TRPC1: variants seen among roughly 807,000 people sequenced by gnomAD.
TRPC1 encodes short transient receptor potential channel 1.
TRPC1 carries 42 observed loss-of-function variants against 88.2 expected under a neutral mutation model. That is an observed-to-expected ratio of 0.48 (90% CI 0.37 to 0.62). The LOEUF (loss-of-function observed/expected upper bound fraction) is 0.62. Among genes scored for constraint, TRPC1 ranks in the 20% least tolerant of loss-of-function variants. The pLI, the probability that TRPC1 is intolerant of heterozygous loss-of-function variation, is 0.00. For synonymous variants in TRPC1, 288 were observed against 331.8 expected (o/e 0.87, Z 1.43); for missense variants, 699 against 957.3 (o/e 0.73, Z 3.56).
intron 4 of TRPC1, among the ~76,000 whole-genome samples, chr3:142,753,726 C>CA (rs1198639773): frequency 0.46 from 39,996 of 87,434 alleles, 7,837 homozygotes; most frequent in Non-Finnish European, 0.51. Flanking sequence ...GACTCTGCCT[C>CA]AAAAAAAAAA....
chr3:142,765,624 G>T (rs1560105741), intron 4 of TRPC1, among the ~76,000 whole-genome samples: 1 of 152,266 alleles, frequency 6.6e-6, no homozygotes, highest in East Asian at 1.9e-4. Context: ...AGATGCAGAA[G>T]AATGAAACTG....
chr3:142,780,185 T>G (rs1007572252), intron 5 of TRPC1, among the ~76,000 whole-genome samples: 25 of 152,296 alleles, frequency 1.6e-4, no homozygotes, highest in African/African-American at 4.3e-4. Context: ...ATACTAAAAC[T>G]TCTTCATTTC....
chr3:142,724,795 C>A lies in TRPC1; in HGVS notation c.172+64C>A. On this transcript the variant is annotated intron_variant, in intron 1 of 12. Coordinates refer to ENST00000476941, the MANE Select transcript of TRPC1 (RefSeq NM_001251845.2). The surrounding 1 kb of genome is among the most constrained non-coding windows in gnomAD (Gnocchi z 5.6). The stretch of plus-strand genomic sequence containing the variant: ...CCTCCAGACCTTTAGTCCTCTCCCC[C>A]GCCTCAACTTATATCGGGGCATTCC... 7.0e-7 allele frequency: 1 copy of A among 1,437,828 alleles called. No individual in the cohort carries two copies. The highest frequency in any genetic ancestry group is 9.2e-7 in the Non-Finnish European group (1 of 1,086,606). 89.1% of individuals were successfully genotyped at this position (1,437,828 alleles called of 1,614,324 possible). A position where few individuals can be genotyped will look rare whatever the true frequency, so the allele number is the denominator to read the frequency against.
chr3:142,738,150 G>A (rs571692130), intron 2 of TRPC1, among the ~76,000 whole-genome samples: 32 of 152,264 alleles, frequency 2.1e-4, no homozygotes, highest in African/African-American at 7.5e-4. Flanking sequence ...TTAGAAAACT[G>A]AGGCTCATAG....
At chr3:142,765,354 G>A in intron 4 of TRPC1, among the ~76,000 whole-genome samples, 1 of 152,066 alleles carries the variant, frequency 6.6e-6, no homozygotes, top group East Asian at 1.9e-4. Context: ...AAAAAGGACT[G>A]AAAAGTTAAA....
intron 2 of TRPC1, among the ~76,000 whole-genome samples, chr3:142,737,330 A>G (rs866599248): frequency 3.3e-5 from 2 of 60,114 alleles, no homozygotes; most frequent in African/African-American, 6.4e-5. Flanking sequence ...TATTTTATAT[A>G]TATATATGTA....
intron 4 of TRPC1, among the ~76,000 whole-genome samples, chr3:142,752,583 A>C (rs1411842218): frequency 6.6e-6 from 1 of 151,870 alleles, no homozygotes; most frequent in Non-Finnish European, 1.5e-5. Context: ...CAACTGCAAG[A>C]GGCTTTCCTC....
chr3:142,807,131 A>G lies in TRPC1; in HGVS notation c.*896A>G, dbSNP rs1341525767. The stretch of plus-strand genomic sequence containing the variant: ...GAATGTTTTTAGTTTTAAGATAGAT[A>G]GGAGACACTTTTTTATCACATGTAG... On this transcript the variant is annotated 3_prime_UTR_variant, in exon 13 of 13. Transcript: ENST00000476941. The G allele has an allele frequency of 6.6e-6, 1 of 152,136 alleles. No homozygotes were observed. The highest frequency in any genetic ancestry group is 1.9e-4 in the East Asian group (1 of 5,178). The allele number at this position is 152,136 out of a possible 1,614,324, so 9.4% of individuals were successfully genotyped here.
intron 5 of TRPC1, among the ~76,000 whole-genome samples, chr3:142,778,084 A>G (rs1366413387): frequency 6.6e-6 from 1 of 152,304 alleles, no homozygotes; most frequent in East Asian, 1.9e-4. Context: ...AAATTTATTC[A>G]TAGTTGCTCT....
At chr3:142,758,942 TGC>T (rs1028153336) in intron 4 of TRPC1, among the ~76,000 whole-genome samples, 3 of 151,822 alleles carry the variant, frequency 2.0e-5, no homozygotes, top group African/African-American at 7.3e-5. Flanking sequence ...TTTCTGTCCT[TGC>T]GATAGTTTGC....
chr3:142,724,428 C>A lies in TRPC1; in HGVS notation c.-132C>A. The A allele has an allele frequency of 2.3e-6, 2 of 868,418 alleles. No homozygotes were observed. The highest frequency in any genetic ancestry group is 1.8e-5 in the African/African-American group (1 of 56,040). 53.8% of individuals were successfully genotyped at this position (868,418 alleles called of 1,614,324 possible). On this transcript the variant is annotated 5_prime_UTR_variant, in exon 1 of 13. Transcript: ENST00000476941. This position sits in a 1 kb window ranked among gnomAD's most constrained non-coding sequence, Gnocchi z 5.6. ...GGCGACGCCCTTCGGGGCCAACGGGCCTCGAGCCGAGGCAGCAGTGGGAAC... is the reference window on the plus strand; with the variant it reads ...GGCGACGCCCTTCGGGGCCAACGGGACTCGAGCCGAGGCAGCAGTGGGAAC...
intron 10 of TRPC1, 38 bp downstream of exon 10, chr3:142,802,382 C>CTT (rs3836385): frequency 8.6e-3 from 9,384 of 1,096,756 alleles, no homozygotes; most frequent in Non-Finnish European, 9.8e-3. Context: ...ATATATTTGT[C>CTT]TTTTTTTTTT....
intron 12 of TRPC1, among the ~76,000 whole-genome samples, chr3:142,805,123 T>TAC (rs1936750230): frequency 1.0e-5 from 1 of 96,700 alleles, no homozygotes; most frequent in African/African-American, 7.4e-5. Context: ...CAAACAAATA[T>TAC]ATATATACAC....
chr3:142,757,697 G>A (rs1299836113), intron 4 of TRPC1, among the ~76,000 whole-genome samples: 1 of 152,092 alleles, frequency 6.6e-6, no homozygotes, highest in African/African-American at 2.4e-5. Flanking sequence ...TAATGCATGC[G>A]GGGCTTAAAA....
At chr3:142,745,831 C>T (rs903892203) in intron 3 of TRPC1, among the ~76,000 whole-genome samples, 7 of 151,942 alleles carry the variant, frequency 4.6e-5, no homozygotes, top group African/African-American at 1.7e-4. Flanking sequence ...GATCTCAGGT[C>T]ACTGCAACCT....
At chr3:142,788,356 T>C (rs1473767040) in intron 7 of TRPC1, among the ~76,000 whole-genome samples, 2 of 152,044 alleles carry the variant, frequency 1.3e-5, no homozygotes, top group African/African-American at 4.8e-5. Flanking sequence ...GAGATATTTA[T>C]AATGTAAGGC....
chr3:142,770,142 G>A (rs6777466), intron 4 of TRPC1, among the ~76,000 whole-genome samples: 42,034 of 137,374 alleles, frequency 0.31, 8,035 homozygotes, highest in African/African-American at 0.57. Context: ...CTGTCACCCA[G>A]GCTGGAATGC....
Position 142,804,092 on chromosome 3 carries a change from A to C in TRPC1, c.1873A>C (p.Ile625Leu). The C allele has an allele frequency of 6.2e-7, 1 of 1,613,952 alleles. No homozygotes were observed. The highest frequency in any genetic ancestry group is 8.5e-7 in the Non-Finnish European group (1 of 1,179,924). Residue 625 changes from isoleucine (I) to leucine (L), a missense_variant, in exon 11 of 13, where the codon ATT (isoleucine) becomes CTT (leucine). By Grantham distance (5) the Ile-to-Leu change is conservative. Transcript: ENST00000476941. ...EELQSFVGAV[I>L]VGTYNVVVVI... Reference sequence around the variant, plus strand: ...ACTGCAGTCCTTTGTGGGAGCTGTCATTGTTGGTACATACAATGTCGTGGT... The same window carrying C: ...ACTGCAGTCCTTTGTGGGAGCTGTCCTTGTTGGTACATACAATGTCGTGGT...
At position 142,775,686 on chromosome 3, in the gene TRPC1, A is replaced by T. The variant is rs114724697; in HGVS notation, c.633-1946A>T. On this transcript the variant is annotated intron_variant, in intron 4 of 12. Transcript: ENST00000476941. ...AATTTCTTTGATATGTAGAAATCTT[A>T]CAAATTGACTAAAAGCAGGATAAAT... is the stretch of plus-strand genomic sequence containing the variant. 2.3e-3 allele frequency among the ~76,000 whole-genome samples: 356 copies of T among 152,320 alleles called. 3 individuals carry two copies. The highest frequency in any genetic ancestry group is 7.9e-3 in the African/African-American group (330 of 41,574).
Sources: allele counts gnomAD v4.1 joint callset (sites outside exome capture counted in the v4.1 genomes callset), GRCh38; gene constraint gnomAD v4.1.1; non-coding constraint Gnocchi (gnomAD v3.1); transcripts MANE v1.5; gene names NCBI Gene and HGNC (gene_info 2026-07-23, HGNC 2026-07-21).